Variants in NTM observed in about 807,000 individuals in gnomAD.
NTM encodes the protein neurotrimin, also known as IgLON family member 2.
In NTM, 13 loss-of-function variants were observed where a neutral mutation model predicts 42.1. That is an observed-to-expected ratio of 0.31 (90% CI 0.20 to 0.49). The LOEUF is 0.49. Among genes scored for constraint, NTM ranks in the 20% least tolerant of loss-of-function variants. The pLI is 0.99. For missense variants in NTM, 373 were observed against 452.8 expected, an observed-to-expected ratio of 0.82 and a Z score of 1.60; for synonymous variants, 187 against 179.2, an observed-to-expected ratio of 1.04 and a Z score of -0.35.
chr11:131,663,747 T>G (rs1421853517), intron 1 of NTM, among the ~76,000 whole-genome samples: 12 of 152,202 alleles, frequency 7.9e-5, no homozygotes, highest in African/African-American at 2.9e-4. Context: ...TTTTTTTTCT[T>G]TTTTAGCTAA....
chr11:131,440,879 TG>T (rs957356194), intron 1 of NTM, among the ~76,000 whole-genome samples: 3 of 131,890 alleles, frequency 2.3e-5, no homozygotes, highest in Non-Finnish European at 3.1e-5. Context: ...TGCCCGTGTC[TG>T]GGGGTTTGCA....
chr11:131,844,906 TTTG>T (rs890241371), intron 1 of NTM, among the ~76,000 whole-genome samples: 6 of 152,130 alleles, frequency 3.9e-5, no homozygotes, highest in Non-Finnish European at 8.8e-5. Flanking sequence ...CATTAGGCAG[TTTG>T]TTGTTTTCTT....
At chr11:131,383,846 T>C (rs1942994350) in intron 1 of NTM, among the ~76,000 whole-genome samples, 2 of 152,086 alleles carry the variant, frequency 1.3e-5, no homozygotes, top group African/African-American at 4.8e-5. Flanking sequence ...TGAATTGAAG[T>C]TGGGCAAGAC....
chr11:131,545,331 G>GT lies in NTM; in HGVS notation c.82+174444dup, dbSNP rs1268258958. Among the ~76,000 whole-genome samples, 3 of 151,906 alleles carry GT rather than the reference G, an allele frequency of 2.0e-5. No homozygotes were observed. In the East Asian group the frequency reaches 5.8e-4, roughly 30 times the overall value. ...TTCTTGAGTCTGTCTCCTTTTCTGT[G>GT]TATTAGCTTTTCCTCCATTTTTTTC... On this transcript the variant is annotated intron_variant, in intron 1 of 8. Coordinates refer to ENST00000683400, the MANE Select transcript of NTM (RefSeq NM_001352005.2).
chr11:131,608,438 A>G (rs994644479), intron 1 of NTM, among the ~76,000 whole-genome samples: 11 of 152,224 alleles, frequency 7.2e-5, no homozygotes, highest in Non-Finnish European at 1.3e-4. Context: ...GATGCTTCAT[A>G]TCAACTGACA....
intron 4 of NTM, among the ~76,000 whole-genome samples, chr11:132,250,447 T>C (rs2091808174): frequency 6.6e-6 from 1 of 152,194 alleles, no homozygotes; most frequent in African/African-American, 2.4e-5. Flanking sequence ...TCTCAGCCAT[T>C]GTCTCTTCAA....
At chr11:131,594,662 G>C (rs1012920889) in intron 1 of NTM, among the ~76,000 whole-genome samples, 1 of 152,162 alleles carries the variant, frequency 6.6e-6, no homozygotes, top group African/African-American at 2.4e-5. Flanking sequence ...GCCTCCCAGA[G>C]TGCTGGGATT....
intron 1 of NTM, among the ~76,000 whole-genome samples, chr11:131,881,593 A>T (rs951206189): frequency 6.6e-6 from 1 of 152,122 alleles, no homozygotes; most frequent in Admixed American, 6.5e-5. Context: ...GCACAGACAG[A>T]AAGAGTGTGA....
At chr11:132,325,404 A>T (rs1162859188) in intron 7 of NTM, among the ~76,000 whole-genome samples, 1 of 152,244 alleles carries the variant, frequency 6.6e-6, no homozygotes, top group African/African-American at 2.4e-5. Flanking sequence ...CAGCCAAAAA[A>T]CACATGAATA....
intron 4 of NTM, among the ~76,000 whole-genome samples, chr11:132,294,034 G>T (rs531372700): frequency 6.6e-6 from 1 of 152,294 alleles, no homozygotes; most frequent in East Asian, 1.9e-4. Context: ...AGCACCATGG[G>T]ATGCTACAGT....
intron 2 of NTM, among the ~76,000 whole-genome samples, chr11:131,993,439 G>A (rs982429639): frequency 1.3e-5 from 2 of 152,174 alleles, no homozygotes; most frequent in Admixed American, 6.5e-5. Flanking sequence ...AATGGGACTT[G>A]TAGTAGAGGA....
chr11:132,192,745 C>G (rs113457954), intron 3 of NTM, among the ~76,000 whole-genome samples: 1 of 151,926 alleles, frequency 6.6e-6, no homozygotes, highest in Non-Finnish European at 1.5e-5. Context: ...AGTCTGCTGC[C>G]GTTGAGAGAT....
chr11:131,545,843 C>A (rs1592005198), intron 1 of NTM, among the ~76,000 whole-genome samples: 1 of 152,078 alleles, frequency 6.6e-6, no homozygotes, highest in African/African-American at 2.4e-5. Flanking sequence ...GGCAGAGGGA[C>A]CTGCAGTGCC....
intron 3 of NTM, among the ~76,000 whole-genome samples, chr11:132,171,148 T>A (rs965712743): frequency 6.6e-6 from 1 of 152,192 alleles, no homozygotes; most frequent in East Asian, 1.9e-4. Flanking sequence ...TGTCTTCACT[T>A]ATCTCTTCAG....
chr11:132,200,790 G>A (rs2081045005), intron 3 of NTM, among the ~76,000 whole-genome samples: 1 of 152,176 alleles, frequency 6.6e-6, no homozygotes, highest in South Asian at 2.1e-4. Context: ...ACCTGAGTGA[G>A]GCAGCCTAGG....
chr11:132,210,578 T>A (rs759223587), intron 3 of NTM, among the ~76,000 whole-genome samples: 4 of 152,178 alleles, frequency 2.6e-5, no homozygotes, highest in Non-Finnish European at 5.9e-5. Flanking sequence ...GTAAATGACA[T>A]CTTTACTCCA....
At chr11:131,821,164 C>T (rs1246180560) in intron 1 of NTM, among the ~76,000 whole-genome samples, 1 of 152,162 alleles carries the variant, frequency 6.6e-6, no homozygotes, top group East Asian at 1.9e-4. Context: ...TTACTTCCCC[C>T]TAGTTTCTAT....
chr11:132,287,995 A>G lies in NTM; in HGVS notation c.527-19694A>G, dbSNP rs549610383. On this transcript the variant is annotated intron_variant, in intron 4 of 8. Coordinates refer to ENST00000683400, the MANE Select transcript of NTM (RefSeq NM_001352005.2). The stretch of plus-strand genomic sequence containing the variant: ...AGGGTATGATATACATTGTCCCTAG[A>G]GACAAAAATTAGTAAAATTTCAGTT... Among the ~76,000 whole-genome samples the G allele has an allele frequency of 5.2e-4, 79 of 152,372 alleles. No homozygotes were observed. In the South Asian group the frequency reaches 0.014, roughly 26 times the overall value.
intron 7 of NTM, among the ~76,000 whole-genome samples, chr11:132,318,316 C>T (rs1309725939): frequency 6.6e-6 from 1 of 152,092 alleles, no homozygotes; most frequent in Admixed American, 6.6e-5. Flanking sequence ...CCTTATCCAC[C>T]GTACAGAGTT....
Sources: gnomAD v4.1 joint callset for allele counts (sites outside exome capture counted in the v4.1 genomes callset) on GRCh38, gnomAD v4.1.1 for gene constraint, MANE v1.5 for transcripts, NCBI Gene and HGNC (gene_info 2026-07-23, HGNC 2026-07-21) for gene names.